The following SND1 variants were observed in gnomAD, a reference collection of about 807,000 sequenced individuals.
SND1 encodes the protein staphylococcal nuclease domain-containing protein 1.
In SND1, 38 loss-of-function variants were observed where a neutral mutation model predicts 121.7. The ratio of observed to expected loss-of-function variants is 0.31; its 90% CI spans 0.24 to 0.41. SND1 has a LOEUF of 0.41. Among genes scored for constraint, SND1 ranks in the 10% least tolerant of loss-of-function variants. SND1 has a pLI of 1.00. For synonymous variants in SND1, 401 were observed against 447.4 expected, an observed-to-expected ratio of 0.90 and a Z score of 1.31; for missense variants, 868 against 1,184.6, an observed-to-expected ratio of 0.73 and a Z score of 3.92.
intron 16 of SND1, among the ~76,000 whole-genome samples, chr7:127,991,884 C>T (rs1374412927): frequency 1.3e-5 from 2 of 152,176 alleles, no homozygotes; most frequent in African/African-American, 2.4e-5. Flanking sequence ...TAAGCTTCAG[C>T]CTCTCAAGCT....
intron 12 of SND1, among the ~76,000 whole-genome samples, chr7:127,877,996 T>A (rs1398388506): frequency 1.3e-5 from 2 of 152,164 alleles, no homozygotes; most frequent in Non-Finnish European, 2.9e-5. Context: ...CCTTCTTCTC[T>A]TTCCCCTTCC....
intron 10 of SND1, among the ~76,000 whole-genome samples, chr7:127,798,180 A>G (rs188464300): frequency 6.6e-6 from 1 of 152,152 alleles, no homozygotes; most frequent in Admixed American, 6.5e-5. Context: ...GAGGCCGCCT[A>G]AATTTGCTTT....
intron 2 of SND1, among the ~76,000 whole-genome samples, chr7:127,694,356 G>A (rs1341410233): frequency 1.3e-5 from 2 of 152,214 alleles, no homozygotes; most frequent in African/African-American, 2.4e-5. Flanking sequence ...GGAAAGAGGC[G>A]GAGAAATGGA....
intron 11 of SND1, among the ~76,000 whole-genome samples, chr7:127,839,225 A>G (rs1044770282): frequency 6.6e-6 from 1 of 152,112 alleles, no homozygotes; most frequent in Admixed American, 6.6e-5. Flanking sequence ...GCTTTCCATA[A>G]AGTCTGGAAA....
At chr7:127,778,129 A>G (rs1049292585) in intron 10 of SND1, among the ~76,000 whole-genome samples, 2 of 152,166 alleles carry the variant, frequency 1.3e-5, no homozygotes, top group Non-Finnish European at 2.9e-5. Flanking sequence ...TTTCAAAACC[A>G]TAACTGGTCA....
At chr7:127,873,544 A>C (rs1013468875) in intron 12 of SND1, among the ~76,000 whole-genome samples, 2 of 152,002 alleles carry the variant, frequency 1.3e-5, no homozygotes, top group Admixed American at 1.3e-4. Context: ...TGTGTCACCT[A>C]CCTCTCACCC....
chr7:127,891,435 T>C (rs910610847), intron 13 of SND1, among the ~76,000 whole-genome samples: 1 of 152,118 alleles, frequency 6.6e-6, no homozygotes, highest in African/African-American at 2.4e-5. Flanking sequence ...ACATTCCCCA[T>C]GTTCCCTTAG....
In SND1 at chr7:127,834,969, A is replaced by T. The variant is rs138789685; in HGVS notation, c.1243-9355A>T. Among the ~76,000 whole-genome samples, 84 of 152,226 alleles carry T rather than the reference A, an allele frequency of 5.5e-4. 4 individuals are homozygous for T. The East Asian group carries it at 0.015, about 27-fold the overall frequency. ...TGGCTTTTGTGTTCTGGTTTTGCTCACCCAAGCAATACCTACTCCCCAGGG... is the reference window on the plus strand; with the variant it reads ...TGGCTTTTGTGTTCTGGTTTTGCTCTCCCAAGCAATACCTACTCCCCAGGG... On this transcript the variant is annotated intron_variant, in intron 11 of 23. Coordinates refer to ENST00000354725, the MANE Select transcript of SND1 (RefSeq NM_014390.4).
chr7:127,895,193 T>C (rs1365281112), intron 13 of SND1, among the ~76,000 whole-genome samples: 2 of 152,098 alleles, frequency 1.3e-5, no homozygotes, highest in Non-Finnish European at 2.9e-5. Context: ...TTTCTCACCT[T>C]CAATCTAATG....
At chr7:127,759,057 AATAGATAG>A (rs1289095272) in intron 10 of SND1, among the ~76,000 whole-genome samples, 269 of 145,502 alleles carry the variant, frequency 1.8e-3, no homozygotes, top group African/African-American at 3.6e-3. Context: ...CTGTCTCAAA[AATAGATAG>A]ATAGATAGAT....
intron 12 of SND1, among the ~76,000 whole-genome samples, chr7:127,877,703 G>A (rs1394433929): frequency 6.6e-6 from 1 of 152,032 alleles, no homozygotes; most frequent in African/African-American, 2.4e-5. Flanking sequence ...AAAGTGCTAG[G>A]ATTACAGACA....
chr7:127,682,328 C>T (rs1440748920), intron 1 of SND1, among the ~76,000 whole-genome samples: 8 of 152,290 alleles, frequency 5.3e-5, no homozygotes, highest in South Asian at 4.1e-4. Context: ...TTTGTAACCA[C>T]GTGACTTGTG....
intron 10 of SND1, among the ~76,000 whole-genome samples, chr7:127,735,070 A>G (rs1796749695): frequency 6.6e-6 from 1 of 152,128 alleles, no homozygotes; most frequent in African/African-American, 2.4e-5. Flanking sequence ...GCCCAGGTAG[A>G]GCGTGAGGTG....
At chr7:127,869,854 C>A (rs1431192319) in intron 12 of SND1, among the ~76,000 whole-genome samples, 1 of 152,166 alleles carries the variant, frequency 6.6e-6, no homozygotes, top group African/African-American at 2.4e-5. Context: ...TGTTTTCCAT[C>A]TCCATAGTTT....
chr7:127,837,091 CAT>C (rs1798880853), intron 11 of SND1, among the ~76,000 whole-genome samples: 1 of 152,010 alleles, frequency 6.6e-6, no homozygotes, highest in Non-Finnish European at 1.5e-5. Context: ...GTTTTTATAT[CAT>C]ATTTTTTTCA....
At chr7:128,013,669 G>A (rs900746888) in intron 16 of SND1, among the ~76,000 whole-genome samples, 14 of 152,182 alleles carry the variant, frequency 9.2e-5, no homozygotes, top group African/African-American at 3.4e-4. Flanking sequence ...ATTCGCATAA[G>A]GAGCACACAA....
chr7:128,040,830 T>C (rs1208748368), intron 16 of SND1, among the ~76,000 whole-genome samples: 1 of 152,276 alleles, frequency 6.6e-6, no homozygotes, highest in Non-Finnish European at 1.5e-5. Context: ...GCTTTCTTGA[T>C]CTGTTGTTCA....
intron 9 of SND1, among the ~76,000 whole-genome samples, chr7:127,719,451 T>G (rs1375450155): frequency 6.6e-6 from 1 of 152,202 alleles, no homozygotes; most frequent in Non-Finnish European, 1.5e-5. Flanking sequence ...TGGTTTGGGG[T>G]AGCTAGCCCT....
intron 16 of SND1, among the ~76,000 whole-genome samples, chr7:128,024,810 C>T (rs778341633): frequency 6.6e-6 from 1 of 152,148 alleles, no homozygotes; most frequent in Non-Finnish European, 1.5e-5. Flanking sequence ...AGAGTTAGAG[C>T]TGGGGTAGAT....
Sources: gnomAD v4.1 joint callset for allele counts (sites outside exome capture counted in the v4.1 genomes callset) on GRCh38, gnomAD v4.1.1 for gene constraint, MANE v1.5 for transcripts, NCBI Gene and HGNC (gene_info 2026-07-23, HGNC 2026-07-21) for gene names.